Variants in ADAM2 observed in about 807,000 individuals in gnomAD.
The protein encoded by ADAM2 is ADAM metallopeptidase domain 2.
ADAM2 carries 101 observed loss-of-function variants against 99.3 expected under a neutral mutation model. That is an observed-to-expected ratio of 1.02 (90% CI 0.87 to 1.20). ADAM2 has a LOEUF of 1.20. Among genes scored for constraint, ADAM2 ranks in the 50% most tolerant of loss-of-function variants. The probability of loss-of-function intolerance (pLI) is 0.00; values close to 1 mark genes in which losing one functional copy is unlikely to be tolerated. For missense variants in ADAM2, 948 were observed against 878.7 expected (o/e 1.08, Z -1.00); for synonymous variants, 323 against 287.6 (o/e 1.12, Z -1.25).
intron 10 of ADAM2, 102 bp downstream of exon 10, chr8:39,786,872 T>C (rs1803485604): frequency 1.2e-6 from 1 of 843,108 alleles, no homozygotes; most frequent in Non-Finnish European, 1.8e-6. Context: ...ACAAAGATGC[T>C]TAGAACAATG....
intron 3 of ADAM2, among the ~76,000 whole-genome samples, chr8:39,826,231 T>C (rs903596992): frequency 1.3e-5 from 2 of 152,048 alleles, no homozygotes; most frequent in Non-Finnish European, 2.9e-5. Flanking sequence ...AGTACTGGTA[T>C]AAAAATAGAT....
chr8:39,752,889 C>A (rs968471773), intron 16 of ADAM2, among the ~76,000 whole-genome samples: 7 of 152,152 alleles, frequency 4.6e-5, no homozygotes, highest in African/African-American at 7.2e-5. Context: ...GCCTCCCCAG[C>A]CACGCGGAAC....
chr8:39,811,095 A>G (rs1804674336), intron 6 of ADAM2, among the ~76,000 whole-genome samples: 2 of 152,212 alleles, frequency 1.3e-5, no homozygotes, highest in South Asian at 2.1e-4. Flanking sequence ...ATAAAAAATG[A>G]TAAAGGGGAT....
intron 2 of ADAM2, among the ~76,000 whole-genome samples, chr8:39,835,582 C>G (rs1337854790): frequency 2.0e-5 from 3 of 151,458 alleles, no homozygotes; most frequent in Non-Finnish European, 4.4e-5. Flanking sequence ...ACTCAGGAGG[C>G]TGAGGCAGGA....
In ADAM2 at chr8:39,773,484, A is replaced by C. The variant is rs80122198; in HGVS notation, c.1028+3541T>G. Among the ~76,000 whole-genome samples, 752 of 151,924 alleles carry C rather than the reference A, an allele frequency of 4.9e-3. 3 individuals carry two copies. The highest frequency in any genetic ancestry group is 0.017 in the African/African-American group (717 of 41,540). ...AATGTAATTAAAATATGATTCTTTA[A>C]AAAAATTAATTAATTTGATAAAATC... On this transcript the variant is annotated intron_variant, in intron 11 of 20. Transcript: ENST00000265708.
intron 7 of ADAM2, among the ~76,000 whole-genome samples, chr8:39,792,699 A>C (rs550755088): frequency 4.2e-4 from 64 of 152,120 alleles, no homozygotes; most frequent in African/African-American, 1.4e-3. Flanking sequence ...CCATCCCCAA[A>C]GTATTTTGTC....
chr8:39,775,076 C>G (rs181088126), intron 11 of ADAM2, among the ~76,000 whole-genome samples: 2 of 152,180 alleles, frequency 1.3e-5, no homozygotes, highest in Non-Finnish European at 1.5e-5. Flanking sequence ...GCGGGGCCCA[C>G]AGGAAAATGT....
chr8:39,753,867 G>C (rs1361049243), intron 16 of ADAM2, among the ~76,000 whole-genome samples: 1 of 151,962 alleles, frequency 6.6e-6, no homozygotes, highest in African/African-American at 2.4e-5. Flanking sequence ...ATTCAGGCAA[G>C]AAATAGCATG....
At chr8:39,767,933 T>C (rs1257401230) in intron 12 of ADAM2, among the ~76,000 whole-genome samples, 1 of 143,478 alleles carries the variant, frequency 7.0e-6, no homozygotes, top group African/African-American at 2.6e-5. Flanking sequence ...CACTCACATT[T>C]TTTAAATACC....
intron 15 of ADAM2, among the ~76,000 whole-genome samples, chr8:39,758,551 AAGTC>A (rs1005520538): frequency 6.6e-6 from 1 of 151,928 alleles, no homozygotes; most frequent in African/African-American, 2.4e-5. Flanking sequence ...AAAAAATAAA[AAGTC>A]AGTAAAAATA....
At chr8:39,773,874 GC>G (rs1802880841) in intron 11 of ADAM2, among the ~76,000 whole-genome samples, 1 of 151,770 alleles carries the variant, frequency 6.6e-6, no homozygotes, top group Non-Finnish European at 1.5e-5. Flanking sequence ...CAAAGGAATT[GC>G]AAGAGAATTA....
At chr8:39,798,203 G>A (rs1804051535) in intron 7 of ADAM2, among the ~76,000 whole-genome samples, 2 of 152,094 alleles carry the variant, frequency 1.3e-5, no homozygotes, top group South Asian at 4.1e-4. Context: ...ATTATTTTGA[G>A]ATATATTCCA....
chr8:39,827,583 G>C (rs1207184865), intron 3 of ADAM2, among the ~76,000 whole-genome samples: 1 of 152,078 alleles, frequency 6.6e-6, no homozygotes, highest in Non-Finnish European at 1.5e-5. Flanking sequence ...ATTTGCTACA[G>C]GCTGGATGAA....
At chr8:39,749,253 C>T in intron 18 of ADAM2, 59 bp downstream of exon 18, 1 of 1,423,454 alleles carries the variant, frequency 7.0e-7, no homozygotes. Context: ...TATTTGTTAT[C>T]CAATTTAATA....
At chr8:39,761,363 G>A (rs1189155434) in intron 14 of ADAM2, 82 bp from the exon 15 acceptor site, 5 of 703,782 alleles carry the variant, frequency 7.1e-6, no homozygotes, top group East Asian at 6.0e-5. Context: ...AATTCTGAAA[G>A]GGTTTAAGAT....
intron 3 of ADAM2, among the ~76,000 whole-genome samples, chr8:39,830,939 T>A (rs926028924): frequency 1.8e-4 from 28 of 152,128 alleles, no homozygotes; most frequent in Admixed American, 1.5e-3. Context: ...AGTGTCCTTA[T>A]GAAAGAGATC....
chr8:39,778,598 A>T (rs1415453091), intron 10 of ADAM2, among the ~76,000 whole-genome samples: 7 of 152,068 alleles, frequency 4.6e-5, no homozygotes, highest in Non-Finnish European at 1.0e-4. Context: ...ATGGATAAAT[A>T]CTCCATTTAT....
At chr8:39,757,950 A>G (rs1802210584) in intron 15 of ADAM2, among the ~76,000 whole-genome samples, 1 of 152,186 alleles carries the variant, frequency 6.6e-6, no homozygotes, top group South Asian at 2.1e-4. Context: ...AAAAGGATCA[A>G]TGATGAAAAG....
intron 12 of ADAM2, among the ~76,000 whole-genome samples, chr8:39,768,275 T>A (rs1419851753): frequency 6.6e-6 from 1 of 152,152 alleles, no homozygotes; most frequent in Non-Finnish European, 1.5e-5. Context: ...AACAATTTTT[T>A]AAAAACATAT....
Sources: allele counts gnomAD v4.1 joint callset (sites outside exome capture counted in the v4.1 genomes callset), GRCh38; gene constraint gnomAD v4.1.1; transcripts MANE v1.5; gene names NCBI Gene and HGNC (gene_info 2026-07-23, HGNC 2026-07-21).